Variants in MAF observed in about 807,000 individuals in gnomAD.
MAF encodes the protein transcription factor Maf.
MAF carries 10 observed loss-of-function variants against 22.0 expected under a neutral mutation model. That is an observed-to-expected ratio of 0.45 (90% CI 0.28 to 0.77). The LOEUF (loss-of-function observed/expected upper bound fraction) is 0.77, where lower values mean the gene tolerates loss of function less well. Among genes scored for constraint, MAF ranks in the 30% least tolerant of loss-of-function variants. The probability of loss-of-function intolerance (pLI) is 0.12; values close to 1 mark genes in which losing one functional copy is unlikely to be tolerated. For missense variants in MAF, 544 were observed against 548.4 expected (o/e 0.99, Z 0.08); for synonymous variants, 337 against 255.8 (o/e 1.32, Z -3.03).
chr16:79,294,968 C>T, the MAF span, among the ~76,000 whole-genome samples: 16 of 151,976 alleles, frequency 1.1e-4, no homozygotes, highest in Non-Finnish European at 1.9e-4. Context: ...CAAAGATAGG[C>T]ATCGTTCTCC....
chr16:79,270,253 G>C, the MAF span, among the ~76,000 whole-genome samples: 1 of 152,104 alleles, frequency 6.6e-6, no homozygotes, highest in African/African-American at 2.4e-5. Flanking sequence ...GAGTTCTATT[G>C]TGTGCTGGCC....
the MAF span, among the ~76,000 whole-genome samples, chr16:79,312,815 G>A: frequency 6.6e-6 from 1 of 152,134 alleles, no homozygotes; most frequent in Non-Finnish European, 1.5e-5. Flanking sequence ...GACTCAGATT[G>A]TCTTCGGCTA....
the MAF span, among the ~76,000 whole-genome samples, chr16:79,282,158 T>C: frequency 6.6e-6 from 1 of 152,026 alleles, no homozygotes. Flanking sequence ...AAAATTAGCC[T>C]AGTGCCATGA....
chr16:79,548,758 G>A, the MAF span, among the ~76,000 whole-genome samples: 2,511 of 152,182 alleles, frequency 0.017, 31 homozygotes, highest in Non-Finnish European at 0.027. Flanking sequence ...CCATACTCAT[G>A]GACTCATGGC....
At chr16:79,285,296 C>G in the MAF span, among the ~76,000 whole-genome samples, 1 of 152,054 alleles carries the variant, frequency 6.6e-6, no homozygotes, top group South Asian at 2.1e-4. Context: ...GGTCTTTAAG[C>G]CATAATATAT....
the MAF span, among the ~76,000 whole-genome samples, chr16:79,243,757 C>A: frequency 6.6e-6 from 1 of 151,800 alleles, no homozygotes; most frequent in Non-Finnish European, 1.5e-5. Flanking sequence ...GGCAGAGACA[C>A]AACAAAAAAA....
chr16:79,374,517 T>A, the MAF span, among the ~76,000 whole-genome samples: 1 of 152,226 alleles, frequency 6.6e-6, no homozygotes, highest in Admixed American at 6.5e-5. Context: ...AACCCCTTTT[T>A]TGTATCCTTT....
At chr16:79,379,773 G>A in the MAF span, among the ~76,000 whole-genome samples, 1,577 of 152,168 alleles carry the variant, frequency 0.01, 34 homozygotes, top group African/African-American at 0.031. Context: ...TGTGTATGAC[G>A]GACACAGCTA....
At chr16:79,567,310 C>G in the MAF span, among the ~76,000 whole-genome samples, 7 of 142,782 alleles carry the variant, frequency 4.9e-5, no homozygotes, top group Admixed American at 1.5e-4. Flanking sequence ...AAGAGCAAGA[C>G]TCCACCTCAG....
the MAF span, among the ~76,000 whole-genome samples, chr16:79,308,715 G>C: frequency 2.0e-5 from 3 of 152,168 alleles, no homozygotes; most frequent in Non-Finnish European, 4.4e-5. Flanking sequence ...AATGCTATGA[G>C]TTTTAAGAGT....
chr16:79,431,521 T>C, the MAF span, among the ~76,000 whole-genome samples: 8 of 152,242 alleles, frequency 5.3e-5, no homozygotes, highest in African/African-American at 1.9e-4. Flanking sequence ...TTGGTAAGTT[T>C]GAGCAAATCA....
chr16:79,515,265 CG>C, the MAF span, among the ~76,000 whole-genome samples: 1 of 152,172 alleles, frequency 6.6e-6, no homozygotes, highest in Admixed American at 6.5e-5. Context: ...TCTATGCTGG[CG>C]ATTAGTGCCA....
chr16:79,241,150 A>T, the MAF span, among the ~76,000 whole-genome samples: 2 of 151,976 alleles, frequency 1.3e-5, no homozygotes, highest in African/African-American at 4.8e-5. Flanking sequence ...AAGGATCACA[A>T]CTCTTCCCCA....
At chr16:79,418,477 G>A in the MAF span, among the ~76,000 whole-genome samples, 39 of 152,098 alleles carry the variant, frequency 2.6e-4, no homozygotes, top group African/African-American at 8.5e-4. Context: ...TAATTAGTGC[G>A]CTGGGAGTTC....
At chr16:79,536,448 G>A in the MAF span, among the ~76,000 whole-genome samples, 2 of 152,182 alleles carry the variant, frequency 1.3e-5, no homozygotes, top group African/African-American at 4.8e-5. Flanking sequence ...TTCAAGACCA[G>A]CCTGGCTAAT....
chr16:79,299,469 C>T, the MAF span, among the ~76,000 whole-genome samples: 3 of 152,012 alleles, frequency 2.0e-5, no homozygotes, highest in East Asian at 1.9e-4. Flanking sequence ...CAGGCCTGGG[C>T]GCAAACTGTG....
chr16:79,597,111 T>C, intron 1 of MAF: 1 of 1,058,984 alleles, frequency 9.4e-7, no homozygotes, highest in Non-Finnish European at 1.1e-6. Flanking sequence ...ACATGCTGTA[T>C]AAGCTACTTT....
chr16:79,301,993 CCA>C, the MAF span, among the ~76,000 whole-genome samples: 1 of 152,340 alleles, frequency 6.6e-6, no homozygotes, highest in East Asian at 1.9e-4. Context: ...ATGGCTGTAA[CCA>C]CTGAGATCAC....
At chr16:79,219,255 G>C in the MAF span, among the ~76,000 whole-genome samples, 1 of 152,184 alleles carries the variant, frequency 6.6e-6, no homozygotes, top group Admixed American at 6.5e-5. Context: ...CTGTTACTTT[G>C]GAATTGTGAC....
Sources: allele counts gnomAD v4.1 joint callset (sites outside exome capture counted in the v4.1 genomes callset), GRCh38; gene constraint gnomAD v4.1.1; transcripts MANE v1.5; gene names NCBI Gene and HGNC (gene_info 2026-07-23, HGNC 2026-07-21).